Variants in GMDS observed in about 807,000 individuals in gnomAD.
The protein encoded by GMDS is GDP-mannose 4,6 dehydratase.
GMDS carries 20 observed loss-of-function variants against 49.9 expected under a neutral mutation model. That is an observed-to-expected ratio of 0.40 (90% CI 0.28 to 0.58). The LOEUF is 0.58. GMDS is among the 20% of genes least tolerant of loss of function. The pLI, the probability that GMDS is intolerant of heterozygous loss-of-function variation, is 0.42. For synonymous variants in GMDS, 177 were observed against 178.6 expected, an observed-to-expected ratio of 0.99 and a Z score of 0.07; for missense variants, 362 against 481.4, an observed-to-expected ratio of 0.75 and a Z score of 2.32.
chr6:2,070,013 C>G (rs1771886197), intron 4 of GMDS, among the ~76,000 whole-genome samples: 1 of 151,176 alleles, frequency 6.6e-6, no homozygotes, highest in Non-Finnish European at 1.5e-5. Flanking sequence ...GACTTGGAAC[C>G]AACCCAAATG....
At chr6:1,832,963 C>T (rs1313758907) in intron 7 of GMDS, among the ~76,000 whole-genome samples, 1 of 151,954 alleles carries the variant, frequency 6.6e-6, no homozygotes, top group Non-Finnish European at 1.5e-5. Context: ...ATTCAGGCCA[C>T]ACGAGGAAGG....
At chr6:1,812,011 C>T (rs1007960564) in intron 7 of GMDS, among the ~76,000 whole-genome samples, 6 of 152,004 alleles carry the variant, frequency 3.9e-5, no homozygotes, top group African/African-American at 7.2e-5. Flanking sequence ...TTCTACTGTC[C>T]GAGGAATCAT....
At chr6:2,121,047 C>A (rs1275384426) in intron 2 of GMDS, among the ~76,000 whole-genome samples, 1 of 152,164 alleles carries the variant, frequency 6.6e-6, no homozygotes. Flanking sequence ...TGCTTATCAT[C>A]CCCATTTACA....
intron 9 of GMDS, among the ~76,000 whole-genome samples, chr6:1,692,299 T>C (rs1323147448): frequency 1.3e-5 from 2 of 152,236 alleles, no homozygotes; most frequent in South Asian, 2.1e-4. Flanking sequence ...AGACAGCCTA[T>C]GGTGGGACTT....
At chr6:1,732,335 A>G (rs1561765142) in intron 8 of GMDS, among the ~76,000 whole-genome samples, 1 of 152,182 alleles carries the variant, frequency 6.6e-6, no homozygotes, top group Non-Finnish European at 1.5e-5. Flanking sequence ...CAACAAATAA[A>G]CAAATAAAAA....
In GMDS at chr6:2,000,002, AT is replaced by A; in HGVS notation, c.346-39037del. Among the ~76,000 whole-genome samples, 2 of 19,236 alleles carry A rather than the reference AT, an allele frequency of 1.0e-4. 1 individual carries two copies. Among genetic ancestry groups the A allele is most frequent in the Non-Finnish European group, 2.2e-4 (2 of 9,238 alleles). The allele number at this position is 19,236 out of a possible 152,430, so 12.6% of individuals were successfully genotyped here. A position where few individuals can be genotyped will look rare whatever the true frequency, so the allele number is the denominator to read the frequency against. Reference sequence around the variant, plus strand: ...TATATTTTATATATATATATTATATATATATATTTTTTATATATATATATAT... The same window carrying A: ...TATATTTTATATATATATATTATATAATATATTTTTTATATATATATATAT... On this transcript the variant is annotated intron_variant, in intron 4 of 10. Transcript: ENST00000380815.
intron 9 of GMDS, among the ~76,000 whole-genome samples, chr6:1,720,205 T>C (rs1434718373): frequency 1.3e-5 from 2 of 152,160 alleles, no homozygotes; most frequent in East Asian, 3.9e-4. Flanking sequence ...AATTACTATT[T>C]CATTAGATAT....
Position 1,778,154 on chromosome 6 carries a change from A to G in GMDS, c.772-35568T>C, listed in dbSNP as rs544532936. On this transcript the variant is annotated intron_variant, in intron 7 of 10. Transcript: ENST00000380815. The surrounding 1 kb of genome is among the most constrained non-coding windows in gnomAD (Gnocchi z 4.6). ...CCTTAAAGAGCTGAATAAAGGATCGAGTTAGACTGGCCTTCTCAACACCTC... is the reference window on the plus strand; with the variant it reads ...CCTTAAAGAGCTGAATAAAGGATCGGGTTAGACTGGCCTTCTCAACACCTC... Among the ~76,000 whole-genome samples, 1 of 152,288 alleles carries G rather than the reference A, an allele frequency of 6.6e-6. No homozygotes were observed. The highest frequency in any genetic ancestry group is 1.5e-5 in the Non-Finnish European group (1 of 68,026).
At chr6:1,915,336 A>G (rs1308160684) in intron 7 of GMDS, among the ~76,000 whole-genome samples, 1 of 152,188 alleles carries the variant, frequency 6.6e-6, no homozygotes, top group Admixed American at 6.5e-5. Context: ...GAAATGGCCA[A>G]TTCTTCAGTG....
In GMDS at chr6:1,624,554, G is replaced by C. The variant is rs751212479; in HGVS notation, c.988-14C>G. On this transcript the variant is annotated splice_polypyrimidine_tract_variant and intron_variant, in intron 9 of 10. Transcript: ENST00000380815. ...CTGCAGAAAGTCCTAGGGAAGAAGA[G>C]GGGGAGACGAAGCAGGCGTGGGTCG... is the stretch of plus-strand genomic sequence containing the variant. 3.9e-5 allele frequency: 62 copies of C among 1,607,632 alleles called. 1 individual carries two copies. The Admixed American group carries it at 9.8e-4, about 26-fold the overall frequency.
chr6:2,188,739 G>A (rs1778887257), intron 1 of GMDS, among the ~76,000 whole-genome samples: 2 of 152,178 alleles, frequency 1.3e-5, no homozygotes, highest in South Asian at 2.1e-4. Flanking sequence ...CGAGGCAGGC[G>A]AGGGCACATG....
chr6:2,069,118 C>G (rs1197068029), intron 4 of GMDS, among the ~76,000 whole-genome samples: 4 of 152,152 alleles, frequency 2.6e-5, no homozygotes, highest in Non-Finnish European at 4.4e-5. Context: ...CGTCGCGTAT[C>G]TAAAACTATC....
At chr6:2,075,345 T>G (rs1276447520) in intron 4 of GMDS, among the ~76,000 whole-genome samples, 1 of 152,128 alleles carries the variant, frequency 6.6e-6, no homozygotes, top group African/African-American at 2.4e-5. Context: ...TATGTATACA[T>G]GTGCCATGTT....
At chr6:2,198,963 G>A (rs925014609) in intron 1 of GMDS, among the ~76,000 whole-genome samples, 10 of 152,170 alleles carry the variant, frequency 6.6e-5, no homozygotes, top group Non-Finnish European at 1.3e-4. Flanking sequence ...CTTTGCTTAT[G>A]ATGTCCTTAT....
intron 7 of GMDS, among the ~76,000 whole-genome samples, chr6:1,802,692 T>C (rs931937225): frequency 1.2e-4 from 19 of 152,348 alleles, no homozygotes; most frequent in African/African-American, 4.3e-4. Context: ...AAACATGTGT[T>C]ATGCGGGGAG....
At position 1,911,245 on chromosome 6, in the gene GMDS, G is replaced by A. The variant is rs531063363; in HGVS notation, c.771+18858C>T. ...GGACATGCTAATGTCTCCCAAAGAA[G>A]GGCAGTCAGAAAGTTCAGCTGTTCT... is the stretch of plus-strand genomic sequence containing the variant. On this transcript the variant is annotated intron_variant, in intron 7 of 10. Coordinates refer to ENST00000380815, the MANE Select transcript of GMDS (RefSeq NM_001500.4). 2.0e-5 allele frequency among the ~76,000 whole-genome samples: 3 copies of A among 152,296 alleles called. No homozygotes were observed. In the South Asian group the frequency reaches 6.2e-4, roughly 32 times the overall value.
intron 7 of GMDS, among the ~76,000 whole-genome samples, chr6:1,784,166 A>G (rs1036420420): frequency 1.3e-5 from 2 of 152,122 alleles, no homozygotes; most frequent in Non-Finnish European, 1.5e-5. Flanking sequence ...TGGGACAGAG[A>G]ACTGAAAAGT....
intron 4 of GMDS, among the ~76,000 whole-genome samples, chr6:1,970,757 G>A (rs1248165602): frequency 1.3e-5 from 2 of 152,166 alleles, no homozygotes; most frequent in African/African-American, 4.8e-5. Context: ...GATCAAAGTA[G>A]GGTCCGCAGG....
chr6:1,991,180 C>A (rs1465469337), intron 4 of GMDS, among the ~76,000 whole-genome samples: 1 of 152,100 alleles, frequency 6.6e-6, no homozygotes, highest in African/African-American at 2.4e-5. Context: ...TTGGATAACT[C>A]CACCAGTCTT....
Sources: gnomAD v4.1 joint callset for allele counts (sites outside exome capture counted in the v4.1 genomes callset) on GRCh38, gnomAD v4.1.1 for gene constraint, Gnocchi (gnomAD v3.1) non-coding constraint, MANE v1.5 for transcripts, NCBI Gene and HGNC (gene_info 2026-07-23, HGNC 2026-07-21) for gene names.